ARPC2: variants seen among roughly 807,000 people sequenced by gnomAD.
The protein encoded by ARPC2 is actin-related protein 2/3 complex subunit 2.
Under a neutral mutation model 38.6 loss-of-function variants are expected in ARPC2, and 4 were observed. The observed-to-expected ratio is 0.10, with a 90% CI of 0.05 to 0.24. The LOEUF (loss-of-function observed/expected upper bound fraction) is 0.24, where lower values mean the gene tolerates loss of function less well. Ranked by LOEUF, ARPC2 falls within the 10% of genes least tolerant of loss-of-function variation. The probability of loss-of-function intolerance (pLI) is 1.00; values close to 1 mark genes in which losing one functional copy is unlikely to be tolerated. For missense variants in ARPC2, 229 were observed against 387.3 expected, an observed-to-expected ratio of 0.59 and a Z score of 3.43; for synonymous variants, 125 against 140.8, an observed-to-expected ratio of 0.89 and a Z score of 0.79.
At chr2:218,223,975 C>T (rs897061124) in intron 2 of ARPC2, among the ~76,000 whole-genome samples, 1 of 152,158 alleles carries the variant, frequency 6.6e-6, no homozygotes, top group African/African-American at 2.4e-5. Context: ...ACTGAGTTCT[C>T]GGACCTCTAA....
intron 4 of ARPC2, among the ~76,000 whole-genome samples, chr2:218,231,501 G>C (rs1689632811): frequency 6.6e-6 from 1 of 152,258 alleles, no homozygotes; most frequent in East Asian, 1.9e-4. Flanking sequence ...ACACAGACTT[G>C]TAGCTCAGAG....
chr2:218,246,618 G>A (rs13423003), intron 8 of ARPC2, among the ~76,000 whole-genome samples: 1 of 151,890 alleles, frequency 6.6e-6, no homozygotes, highest in South Asian at 2.1e-4. Flanking sequence ...AGGTTGGTGG[G>A]TCACTTGGGT....
At chr2:218,237,704 T>C (rs1357121132) in intron 5 of ARPC2, among the ~76,000 whole-genome samples, 1 of 151,998 alleles carries the variant, frequency 6.6e-6, no homozygotes, top group African/African-American at 2.4e-5. Flanking sequence ...GTAGCTAGGA[T>C]TACAGGCGCC....
intron 3 of ARPC2, among the ~76,000 whole-genome samples, chr2:218,227,616 C>T (rs1423494307): frequency 2.0e-5 from 3 of 150,246 alleles, no homozygotes; most frequent in African/African-American, 7.3e-5. Flanking sequence ...TTCCAGACAG[C>T]GTCTTGCTCT....
chr2:218,226,980 A>T (rs778234094), intron 3 of ARPC2: 1 of 456,554 alleles, frequency 2.2e-6, no homozygotes, highest in African/African-American at 2.0e-5. Flanking sequence ...AGGTGTTGGT[A>T]CTATTTACTT....
intron 2 of ARPC2, among the ~76,000 whole-genome samples, chr2:218,218,606 T>TC (rs1318116883): frequency 1.3e-4 from 20 of 152,362 alleles, no homozygotes; most frequent in Admixed American, 3.9e-4. Context: ...GTTTCACAGT[T>TC]AATAAGTGCA....
chr2:218,245,426 A>C lies in ARPC2; in HGVS notation c.556A>C (p.Lys186Gln). Reference sequence around the variant, plus strand: ...TTTTGCTTTGTCTTGGCAGGAGTTCAAAGAAGGACGCAGAGCCAGCCACAC... The same window carrying C: ...TTTTGCTTTGTCTTGGCAGGAGTTCCAAGAAGGACGCAGAGCCAGCCACAC... ...VIGKVFMQEF[K>Q]EGRRASHTAP... is the part of the protein sequence containing the mutation. Residue 186 changes from lysine (K) to glutamine (Q), a missense_variant, in exon 8 of 11, where the codon AAA becomes CAA. By Grantham distance (53) the Lys-to-Gln change is moderately conservative. Transcript: ENST00000315717. 1 of 1,614,080 alleles carries C rather than the reference A, an allele frequency of 6.2e-7. No homozygotes were observed. The highest frequency in any genetic ancestry group is 8.5e-7 in the Non-Finnish European group (1 of 1,180,016).
At chr2:218,234,992 G>A (rs1689734521) in intron 5 of ARPC2, 2 of 380,196 alleles carry the variant, frequency 5.3e-6, no homozygotes, top group Admixed American at 3.2e-5. Flanking sequence ...CTGTGATTCA[G>A]TGGCATGTCT....
intron 7 of ARPC2, among the ~76,000 whole-genome samples, chr2:218,243,775 CA>C (rs1318611325): frequency 2.0e-5 from 3 of 152,040 alleles, no homozygotes; most frequent in Admixed American, 6.6e-5. Context: ...GACCCTGTCT[CA>C]AAAAAGAAAG....
At chr2:218,233,085 C>T (rs1168758305) in intron 4 of ARPC2, 2 of 152,134 alleles carry the variant, frequency 1.3e-5, no homozygotes, top group African/African-American at 4.8e-5. Flanking sequence ...TCACTTGAGC[C>T]TAGAAGTTCA....
intron 6 of ARPC2, 72 bp from the exon 7 acceptor site, chr2:218,239,319 C>T (rs951107124): frequency 1.9e-6 from 2 of 1,074,670 alleles, no homozygotes; most frequent in Non-Finnish European, 2.9e-6. Context: ...TTCTGATGTA[C>T]TTGTAGATCA....
chr2:218,238,815 C>T lies in ARPC2; in HGVS notation c.420C>T (p.Asn140=). The T allele has an allele frequency of 6.2e-7, 1 of 1,613,874 alleles. No individual in the cohort carries two copies. The highest frequency in any genetic ancestry group is 8.5e-7 in the Non-Finnish European group (1 of 1,179,918). Residue 140 remains asparagine (N), a synonymous_variant, in exon 6 of 11, where the codon AAC becomes AAT. Transcript: ENST00000315717. ...QFQEEGKEGE[N]RAVIHYRDDE... ...AAGAAGAGGGCAAGGAAGGAGAGAA[C>T]AGGGCAGTTATCCATTATAGGGATG...
chr2:218,237,207 CT>C (rs1029520442), intron 5 of ARPC2, among the ~76,000 whole-genome samples: 2 of 151,000 alleles, frequency 1.3e-5, no homozygotes, highest in East Asian at 1.9e-4. Flanking sequence ...TTCTTTTTTT[CT>C]TTTTTTTTGA....
intron 3 of ARPC2, among the ~76,000 whole-genome samples, chr2:218,227,868 G>C (rs1430992718): frequency 6.6e-6 from 1 of 152,122 alleles, no homozygotes; most frequent in East Asian, 1.9e-4. Flanking sequence ...AACAGGCTGG[G>C]TTAACAGGCT....
At chr2:218,227,183 G>A (rs1689520552) in intron 3 of ARPC2, 1 of 334,450 alleles carries the variant, frequency 3.0e-6, no homozygotes, top group East Asian at 7.8e-5. Flanking sequence ...TAAAGTGATG[G>A]CACTCAGCAC....
intron 5 of ARPC2, among the ~76,000 whole-genome samples, chr2:218,237,866 C>A (rs1016789303): frequency 1.9e-4 from 29 of 152,294 alleles, no homozygotes; most frequent in African/African-American, 7.0e-4. Flanking sequence ...CCACACCCAG[C>A]AGTTTTTTTA....
At chr2:218,241,063 G>A (rs1354788248) in intron 7 of ARPC2, among the ~76,000 whole-genome samples, 1 of 152,160 alleles carries the variant, frequency 6.6e-6, no homozygotes, top group African/African-American at 2.4e-5. Context: ...TTCTGAGATG[G>A]CTCAGCATTC....
At chr2:218,231,217 A>G (rs1374082419) in intron 4 of ARPC2, among the ~76,000 whole-genome samples, 1 of 47,432 alleles carries the variant, frequency 2.1e-5, no homozygotes, top group African/African-American at 6.0e-5. Flanking sequence ...GCCTCCACCC[A>G]TCTCCTGGTG....
At chr2:218,240,754 G>C (rs1263688137) in intron 7 of ARPC2, among the ~76,000 whole-genome samples, 4 of 152,146 alleles carry the variant, frequency 2.6e-5, no homozygotes, top group African/African-American at 9.7e-5. Context: ...TTAGCCGGGT[G>C]TGGTGGCAGG....
Sources: allele counts gnomAD v4.1 joint callset (sites outside exome capture counted in the v4.1 genomes callset), GRCh38; gene constraint gnomAD v4.1.1; transcripts MANE v1.5; gene names NCBI Gene and HGNC (gene_info 2026-07-23, HGNC 2026-07-21).